Variants in IMMP2L observed in about 807,000 individuals in gnomAD.
IMMP2L encodes the protein inner mitochondrial membrane peptidase subunit 2, also known as mitochondrial inner membrane protease subunit 2.
In IMMP2L, 18 loss-of-function variants were observed where a neutral mutation model predicts 19.3. That is an observed-to-expected ratio of 0.93 (90% confidence interval 0.64 to 1.38). The LOEUF is 1.38. Ranked by LOEUF, IMMP2L falls within the 40% of genes most tolerant of loss-of-function variation. The pLI, the probability that IMMP2L is intolerant of heterozygous loss-of-function variation, is 0.00. For synonymous variants in IMMP2L, 76 were observed against 73.0 expected (o/e 1.04, Z -0.21); for missense variants, 233 against 218.2 (o/e 1.07, Z -0.43).
At chr7:111,110,892 A>T (rs137954799) in intron 3 of IMMP2L, among the ~76,000 whole-genome samples, 4 of 152,300 alleles carry the variant, frequency 2.6e-5, no homozygotes, top group Non-Finnish European at 4.4e-5. Context: ...TGTGAAGGGA[A>T]AATTTCTTCT....
chr7:111,517,401 T>C (rs1363788146), intron 2 of IMMP2L, among the ~76,000 whole-genome samples: 2 of 145,394 alleles, frequency 1.4e-5, no homozygotes, highest in Non-Finnish European at 3.0e-5. Flanking sequence ...GCCATGCAAA[T>C]GAAAAAAGGA....
At chr7:111,338,989 C>G (rs1826742750) in intron 3 of IMMP2L, among the ~76,000 whole-genome samples, 1 of 152,060 alleles carries the variant, frequency 6.6e-6, no homozygotes, top group Admixed American at 6.6e-5. Context: ...TACAAGTGAG[C>G]TCCTCTGGAT....
intron 4 of IMMP2L, among the ~76,000 whole-genome samples, chr7:110,910,864 C>A (rs1812985558): frequency 6.6e-6 from 1 of 151,976 alleles, no homozygotes; most frequent in Admixed American, 6.6e-5. Flanking sequence ...TAATATTATG[C>A]CCAGCCATCG....
intron 3 of IMMP2L, among the ~76,000 whole-genome samples, chr7:111,471,194 T>C (rs1841234997): frequency 6.6e-6 from 1 of 152,048 alleles, no homozygotes; most frequent in African/African-American, 2.4e-5. Context: ...CTCACAGATA[T>C]TTCTTCCCAG....
rs1563163141 is a variant in IMMP2L, at chr7:111,016,825, ATATATAG to A, written c.240-53267_240-53261del. On this transcript the variant is annotated intron_variant, in intron 3 of 5. Transcript: ENST00000405709. ...TAATATATACTATATATTATATATAATATATAGTATATATTATATATAATATATATTA... is the reference window on the plus strand; with the variant it reads ...TAATATATACTATATATTATATATAATATATATTATATATAATATATATTA... Among the ~76,000 whole-genome samples the A allele has an allele frequency of 2.7e-4, 17 of 62,186 alleles. No homozygotes were observed. The East Asian group carries it at 5.1e-3, about 19-fold the overall frequency. The allele number at this position is 62,186 out of a possible 152,430, so 40.8% of individuals were successfully genotyped here. A position where few individuals can be genotyped will look rare whatever the true frequency, so the allele number is the denominator to read the frequency against.
chr7:111,347,293 T>G (rs1253601852), intron 3 of IMMP2L, among the ~76,000 whole-genome samples: 1 of 151,852 alleles, frequency 6.6e-6, no homozygotes, highest in Non-Finnish European at 1.5e-5. Flanking sequence ...GCAGAGAGGA[T>G]GTAAGGGCCA....
intron 4 of IMMP2L, among the ~76,000 whole-genome samples, chr7:110,926,187 G>T (rs893646469): frequency 6.6e-6 from 1 of 151,886 alleles, no homozygotes; most frequent in Non-Finnish European, 1.5e-5. Flanking sequence ...TAATTGTACT[G>T]ATATATTACC....
chr7:110,982,527 T>C (rs931236893), intron 3 of IMMP2L, among the ~76,000 whole-genome samples: 1 of 152,002 alleles, frequency 6.6e-6, no homozygotes, highest in African/African-American at 2.4e-5. Flanking sequence ...ACCTAACAAC[T>C]CTCTGATCCC....
At chr7:111,192,477 T>C (rs1244687213) in intron 3 of IMMP2L, among the ~76,000 whole-genome samples, 4 of 152,164 alleles carry the variant, frequency 2.6e-5, no homozygotes, top group African/African-American at 9.7e-5. Context: ...CATAACTCCT[T>C]TTCTTTTCGC....
chr7:111,112,224 A>C (rs917143779), intron 3 of IMMP2L, among the ~76,000 whole-genome samples: 1 of 152,022 alleles, frequency 6.6e-6, no homozygotes, highest in Non-Finnish European at 1.5e-5. Context: ...TTCGCCTCCC[A>C]AAGTGCTGGG....
intron 3 of IMMP2L, among the ~76,000 whole-genome samples, chr7:111,021,852 C>T (rs897325777): frequency 6.6e-6 from 1 of 151,536 alleles, no homozygotes; most frequent in East Asian, 1.9e-4. Flanking sequence ...CACTGCACTC[C>T]AGCCTGGGTG....
intron 3 of IMMP2L, among the ~76,000 whole-genome samples, chr7:111,060,536 A>G (rs184249204): frequency 2.0e-5 from 3 of 152,330 alleles, no homozygotes; most frequent in Admixed American, 1.3e-4. Context: ...AGGCATGTCC[A>G]GGAGTAAAGC....
At chr7:110,960,999 C>T (rs1319433765) in intron 4 of IMMP2L, among the ~76,000 whole-genome samples, 5 of 151,818 alleles carry the variant, frequency 3.3e-5, no homozygotes, top group African/African-American at 1.2e-4. Context: ...ACTTCTCACC[C>T]ACTAGGATGG....
chr7:111,409,464 A>G (rs944191504), intron 3 of IMMP2L, among the ~76,000 whole-genome samples: 1 of 151,782 alleles, frequency 6.6e-6, no homozygotes, highest in African/African-American at 2.4e-5. Flanking sequence ...TTAGGTCCCA[A>G]TCCATTTTTA....
At chr7:111,368,914 T>C (rs566486148) in intron 3 of IMMP2L, among the ~76,000 whole-genome samples, 69 of 151,974 alleles carry the variant, frequency 4.5e-4, no homozygotes, top group Non-Finnish European at 8.5e-4. Context: ...GAATTCATTC[T>C]GGTCCTCATT....
Position 111,196,698 on chromosome 7 carries a change from T to C in IMMP2L, c.240-233133A>G, listed in dbSNP as rs555019999. 4.0e-4 allele frequency among the ~76,000 whole-genome samples: 61 copies of C among 152,302 alleles called. No individual in the cohort carries two copies. In the South Asian group the frequency reaches 0.012, roughly 29 times the overall value. On this transcript the variant is annotated intron_variant, in intron 3 of 5. Coordinates refer to ENST00000405709, the MANE Select transcript of IMMP2L (RefSeq NM_032549.4). ...TAAATGATTTAAATTTAAATAATCATTTTTCCTAGCTTCTTTCCCCATAAA... is the reference window on the plus strand; with the variant it reads ...TAAATGATTTAAATTTAAATAATCACTTTTCCTAGCTTCTTTCCCCATAAA...
chr7:110,929,667 A>T (rs1815260006), intron 4 of IMMP2L, among the ~76,000 whole-genome samples: 1 of 152,192 alleles, frequency 6.6e-6, no homozygotes. Flanking sequence ...GCATAATTCA[A>T]CAAGGTACTC....
At chr7:110,983,184 T>C (rs1173937312) in intron 3 of IMMP2L, among the ~76,000 whole-genome samples, 1 of 152,026 alleles carries the variant, frequency 6.6e-6, no homozygotes, top group Non-Finnish European at 1.5e-5. Context: ...GCTATTATTA[T>C]CTATAAAACA....
At chr7:111,196,034 T>C (rs886605766) in intron 3 of IMMP2L, among the ~76,000 whole-genome samples, 1 of 151,726 alleles carries the variant, frequency 6.6e-6, no homozygotes, top group Non-Finnish European at 1.5e-5. Flanking sequence ...ACATCCACCG[T>C]TTTGTTTTGT....
Sources: allele counts gnomAD v4.1 joint callset (sites outside exome capture counted in the v4.1 genomes callset), GRCh38; gene constraint gnomAD v4.1.1; transcripts MANE v1.5; gene names NCBI Gene and HGNC (gene_info 2026-07-23, HGNC 2026-07-21).